The following SFTPA1 variants were observed in gnomAD, a reference collection of about 807,000 sequenced individuals.
The protein encoded by SFTPA1 is surfactant protein A1.
SFTPA1 carries 13 observed loss-of-function variants against 19.1 expected under a neutral mutation model. The ratio of observed to expected loss-of-function variants is 0.68; its 90% CI spans 0.44 to 1.08. The LOEUF is 1.08. SFTPA1 is among the 50% of genes least tolerant of loss of function. The pLI, the probability that SFTPA1 is intolerant of heterozygous loss-of-function variation, is 0.00. For synonymous variants in SFTPA1, 101 were observed against 117.0 expected, an observed-to-expected ratio of 0.86 and a Z score of 0.88; for missense variants, 259 against 316.4, an observed-to-expected ratio of 0.82 and a Z score of 1.38.
At position 79,614,442 on chromosome 10, in the gene SFTPA1, T is replaced by C. The variant is rs1021582010; in HGVS notation, c.*329T>C. ...TCACTTACAGATGGCAGCAGTGAGG[T>C]CTTGGGGTAGAAGGACCCTCCAAAG... is the stretch of plus-strand genomic sequence containing the variant. On this transcript the variant is annotated 3_prime_UTR_variant, in exon 6 of 6. Coordinates refer to ENST00000398636, the MANE Select transcript of SFTPA1 (RefSeq NM_005411.5). 2.6e-6 allele frequency: 1 copy of C among 382,124 alleles called. No individual in the cohort carries two copies. The highest frequency in any genetic ancestry group is 5.0e-6 in the Non-Finnish European group (1 of 202,006). The allele number at this position is 382,124 out of a possible 1,614,324, so 23.7% of individuals were successfully genotyped here.
At position 79,613,080 on chromosome 10, in the gene SFTPA1, G is replaced by A; in HGVS notation, c.293-109G>A. 7 of 1,601,904 alleles carry A rather than the reference G, an allele frequency of 4.4e-6. No homozygotes were observed. The South Asian group carries it at 7.8e-5, about 18-fold the overall frequency. On this transcript the variant is annotated intron_variant, in intron 4 of 5. Transcript: ENST00000398636. Reference sequence around the variant, plus strand: ...CCTAGGGTCTGGGTGGCGCCTAACAGCAATGAAAGGGCAGAGTTCCAGGAT... The same window carrying A: ...CCTAGGGTCTGGGTGGCGCCTAACAACAATGAAAGGGCAGAGTTCCAGGAT...
In SFTPA1 at chr10:79,613,279, C is replaced by T. The variant is rs747546786; in HGVS notation, c.370+13C>T. The stretch of plus-strand genomic sequence containing the variant: ...CAGACAAGGGGAGGTAAGGGGACCC[C>T]CTGGGCCTCACGGGGTAGGAGTTTC... On this transcript the variant is annotated intron_variant, in intron 5 of 5. Transcript: ENST00000398636. 3.1e-6 allele frequency: 5 copies of T among 1,614,016 alleles called. No individual in the cohort carries two copies. Among genetic ancestry groups the T allele is most frequent in the Admixed American group, 1.7e-5 (1 of 60,018 alleles).
chr10:79,615,027 T>C lies in SFTPA1; in HGVS notation c.*914T>C, dbSNP rs143958894. 5.7e-4 allele frequency: 745 copies of C among 1,300,492 alleles called. 5 individuals are homozygous for C. The African/African-American group carries it at 6.9e-3, about 12-fold the overall frequency. 80.6% of individuals were successfully genotyped at this position (1,300,492 alleles called of 1,614,324 possible). A position where few individuals can be genotyped will look rare whatever the true frequency, so the allele number is the denominator to read the frequency against. On this transcript the variant is annotated 3_prime_UTR_variant, in exon 6 of 6. Transcript: ENST00000398636. ...CAAGGTAATCAGTGACAGTTGAAGA[T>C]TTTTTTTTCCCAGAGCTTATGTCTT... is the stretch of plus-strand genomic sequence containing the variant.
chr10:79,611,795 T>G lies in SFTPA1; in HGVS notation c.-23-8T>G, dbSNP rs752217750. 6.2e-7 allele frequency: 1 copy of G among 1,613,996 alleles called. No individual in the cohort carries two copies. The highest frequency in any genetic ancestry group is 1.7e-5 in the Admixed American group (1 of 60,028). On this transcript the variant is annotated splice_region_variant and splice_polypyrimidine_tract_variant and intron_variant, in intron 2 of 5. Transcript: ENST00000398636. ...TGGCAGATGGGCTCACGGCCATCCC[T>G]CCTGCAGGAGCAGCGACTGGACCCA...
In SFTPA1 at chr10:79,611,354, A is replaced by G. The variant is rs986436746; in HGVS notation, c.-59A>G. 1 of 448,880 alleles carries G rather than the reference A, an allele frequency of 2.2e-6. No individual in the cohort carries two copies. Among genetic ancestry groups the G allele is most frequent in the Non-Finnish European group, 3.9e-6 (1 of 253,376 alleles). 27.8% of individuals were successfully genotyped at this position (448,880 alleles called of 1,614,324 possible). A position where few individuals can be genotyped will look rare whatever the true frequency, so the allele number is the denominator to read the frequency against. On this transcript the variant is annotated 5_prime_UTR_variant, in exon 2 of 6. Coordinates refer to ENST00000398636, the MANE Select transcript of SFTPA1 (RefSeq NM_005411.5). ...TCTTGGAGCCTGAAAAGAAAGTAAC[A>G]CAGCAGGGATGAGGACAGATGGTGT...
chr10:79,612,037 G>A, intron 3 of SFTPA1, 40 bp downstream of exon 3: 1 of 1,609,880 alleles, frequency 6.2e-7, no homozygotes, highest in Non-Finnish European at 8.5e-7. Context: ...GAGGGACACA[G>A]ACCCCTTTTC....
At chr10:79,613,331 C>G in intron 5 of SFTPA1, 65 bp downstream of exon 5, 2 of 1,605,670 alleles carry the variant, frequency 1.2e-6, no homozygotes, top group Non-Finnish European at 1.7e-6. Flanking sequence ...TTCTCAGCAC[C>G]AGCTTCTAGA....
chr10:79,611,504 A>T (rs1159151268), intron 2 of SFTPA1, 115 bp downstream of exon 2: 6 of 1,340,234 alleles, frequency 4.5e-6, no homozygotes, highest in Non-Finnish European at 6.1e-6. Context: ...ATAGTGAGGC[A>T]CTGAAAGAAA....
In SFTPA1 at chr10:79,613,178, A is replaced by G. The variant is rs772174677; in HGVS notation, c.293-11A>G. On this transcript the variant is annotated splice_polypyrimidine_tract_variant and intron_variant, in intron 4 of 5. Transcript: ENST00000398636. ...GCCTGCCCCTCCTTCTGTGTGGGGC[A>G]CTCTCCACAGGGCTTCCAGCTCATC... 2.5e-6 allele frequency: 4 copies of G among 1,613,510 alleles called. No individual in the cohort carries two copies. The South Asian group carries it at 4.4e-5, about 18-fold the overall frequency.
At position 79,613,921 on chromosome 10, in the gene SFTPA1, C is replaced by T. The variant is rs1457073958; in HGVS notation, c.555C>T (p.Ala185=). 6.2e-7 allele frequency: 1 copy of T among 1,613,908 alleles called. No individual in the cohort carries two copies. Among genetic ancestry groups the T allele is most frequent in the Non-Finnish European group, 8.5e-7 (1 of 1,179,906 alleles). Reference sequence around the variant, plus strand: ...TCGTGAAGAAGTACAACACATATGCCTATGTAGGCCTGACTGAGGGTCCCA... The same window carrying T: ...TCGTGAAGAAGTACAACACATATGCTTATGTAGGCCTGACTGAGGGTCCCA... The part of the protein sequence containing the change: ...ASFVKKYNTY[A]YVGLTEGPSP... The change falls in exon 6 of 6, where the codon GCC becomes GCT. Residue 185 remains alanine (A), a synonymous_variant. Coordinates refer to ENST00000398636, the MANE Select transcript of SFTPA1 (RefSeq NM_005411.5).
chr10:79,612,403 G>A lies in SFTPA1; in HGVS notation c.264G>A (p.Lys88=). The A allele has an allele frequency of 6.2e-7, 1 of 1,613,644 alleles. No individual in the cohort carries two copies. Among genetic ancestry groups the A allele is most frequent in the Non-Finnish European group, 8.5e-7 (1 of 1,179,756 alleles). ...GTATCCCTGGAGAGTGTGGAGAGAA[G>A]GGGGAGCCTGGCGAGAGGGGCCCTC... ...APGIPGECGE[K]GEPGERGPPG... The change falls in exon 4 of 6, where the codon AAG becomes AAA. Residue 88 remains lysine (K), a synonymous_variant. Transcript: ENST00000398636.
chr10:79,615,166 C>A lies in SFTPA1; in HGVS notation c.*1053C>A. On this transcript the variant is annotated 3_prime_UTR_variant, in exon 6 of 6. Coordinates refer to ENST00000398636, the MANE Select transcript of SFTPA1 (RefSeq NM_005411.5). ...TACACAGAGGCTATTGACTGAGCAC[C>A]TATCATTTGCCAAGAACCTTGACAA... 1 of 1,150,674 alleles carries A rather than the reference C, an allele frequency of 8.7e-7. No individual in the cohort carries two copies. Among genetic ancestry groups the A allele is most frequent in the Non-Finnish European group, 1.2e-6 (1 of 866,028 alleles). The allele number at this position is 1,150,674 out of a possible 1,614,324, so 71.3% of individuals were successfully genotyped here.
rs1859970058 is a variant in SFTPA1, at chr10:79,613,267, G to A, written c.370+1G>A. 6.2e-7 allele frequency: 1 copy of A among 1,613,930 alleles called. No homozygotes were observed. The highest frequency in any genetic ancestry group is 1.1e-5 in the South Asian group (1 of 91,072). On this transcript the variant is annotated splice_donor_variant, in intron 5 of 5. Transcript: ENST00000398636. LOFTEE classifies it high-confidence loss of function. ...CATCAAATCCTGCAGACAAGGGGAGGTAAGGGGACCCCCTGGGCCTCACGG... is the reference window on the plus strand; with the variant it reads ...CATCAAATCCTGCAGACAAGGGGAGATAAGGGGACCCCCTGGGCCTCACGG...
At chr10:79,612,557 T>A in intron 4 of SFTPA1, 126 bp downstream of exon 4, 1 of 1,423,638 alleles carries the variant, frequency 7.0e-7, no homozygotes, top group Non-Finnish European at 9.6e-7. Context: ...TCAACCTAAG[T>A]AAGAGAGGAT....
At chr10:79,612,634 G>A (rs1366499781) in intron 4 of SFTPA1, among the ~76,000 whole-genome samples, 4 of 152,136 alleles carry the variant, frequency 2.6e-5, no homozygotes, top group Non-Finnish European at 4.4e-5. Context: ...GCAGGTGTGG[G>A]AAGTCCTCCG....
At position 79,613,283 on chromosome 10, in the gene SFTPA1, G is replaced by A. The variant is rs762042339; in HGVS notation, c.370+17G>A. 26 of 1,613,878 alleles carry A rather than the reference G, an allele frequency of 1.6e-5. No individual in the cohort carries two copies. Among genetic ancestry groups the A allele is most frequent in the Non-Finnish European group, 2.0e-5 (24 of 1,179,984 alleles). On this transcript the variant is annotated intron_variant, in intron 5 of 5. Transcript: ENST00000398636. Reference sequence around the variant, plus strand: ...CAAGGGGAGGTAAGGGGACCCCCTGGGCCTCACGGGGTAGGAGTTTCCCAC... The same window carrying A: ...CAAGGGGAGGTAAGGGGACCCCCTGAGCCTCACGGGGTAGGAGTTTCCCAC...
At chr10:79,613,532 T>C (rs1859991627) in intron 5 of SFTPA1, among the ~76,000 whole-genome samples, 1 of 152,196 alleles carries the variant, frequency 6.6e-6, no homozygotes, top group Non-Finnish European at 1.5e-5. Flanking sequence ...TTTCTGGCAA[T>C]AAGTAATTGT....
Position 79,612,015 on chromosome 10 carries a change from C to G in SFTPA1, c.172+18C>G. 1 of 1,611,902 alleles carries G rather than the reference C, an allele frequency of 6.2e-7. No individual in the cohort carries two copies. Among genetic ancestry groups the G allele is most frequent in the East Asian group, 2.2e-5 (1 of 44,856 alleles). ...CCCTCCAGGTACTGTGCTGCAGACCCCACCCTCAGCTGAGGGACACAGACC... is the reference window on the plus strand; with the variant it reads ...CCCTCCAGGTACTGTGCTGCAGACCGCACCCTCAGCTGAGGGACACAGACC... On this transcript the variant is annotated intron_variant, in intron 3 of 5. Coordinates refer to ENST00000398636, the MANE Select transcript of SFTPA1 (RefSeq NM_005411.5).
intron 1 of SFTPA1, 78 bp from the exon 2 acceptor site, chr10:79,611,241 A>G: frequency 4.4e-6 from 1 of 228,152 alleles, no homozygotes. Context: ...ACAGACCCCA[A>G]AAAGAAAGGG....
Sources: gnomAD v4.1 joint callset for allele counts (sites outside exome capture counted in the v4.1 genomes callset) on GRCh38, gnomAD v4.1.1 for gene constraint, MANE v1.5 for transcripts, NCBI Gene and HGNC (gene_info 2026-07-23, HGNC 2026-07-21) for gene names.